RAPGEF6: variants seen among roughly 807,000 people sequenced by gnomAD.
RAPGEF6 encodes the protein Rap guanine nucleotide exchange factor 6, also known as PDZ domain containing guanine nucleotide exchange factor (GEF) 2.
In RAPGEF6, 56 loss-of-function variants were observed where a neutral mutation model predicts 171.4. The ratio of observed to expected loss-of-function variants is 0.33; its 90% CI spans 0.26 to 0.41. The LOEUF (loss-of-function observed/expected upper bound fraction) is 0.41, where lower values mean the gene tolerates loss of function less well. Among genes scored for constraint, RAPGEF6 ranks in the 10% least tolerant of loss-of-function variants. The probability of loss-of-function intolerance (pLI) is 1.00; values close to 1 mark genes in which losing one functional copy is unlikely to be tolerated. For synonymous variants in RAPGEF6, 692 were observed against 650.1 expected, an observed-to-expected ratio of 1.06 and a Z score of -0.98; for missense variants, 1,674 against 1,921.4, an observed-to-expected ratio of 0.87 and a Z score of 2.41.
At chr5:131,597,510 T>C (rs1763971446) in intron 3 of RAPGEF6, among the ~76,000 whole-genome samples, 1 of 152,158 alleles carries the variant, frequency 6.6e-6, no homozygotes, top group Non-Finnish European at 1.5e-5. Flanking sequence ...CAATAGAGTA[T>C]CATTCAGCCA....
At chr5:131,593,460 A>T (rs1763705401) in intron 3 of RAPGEF6, among the ~76,000 whole-genome samples, 1 of 152,256 alleles carries the variant, frequency 6.6e-6, no homozygotes, top group Non-Finnish European at 1.5e-5. Context: ...ATACCTGAAA[A>T]TGTAGAAGTG....
chr5:131,431,245 C>T lies in RAPGEF6; in HGVS notation c.4079G>A (p.Ser1360Asn). The T allele has an allele frequency of 6.2e-7, 1 of 1,614,234 alleles. No individual in the cohort carries two copies. The highest frequency in any genetic ancestry group is 8.5e-7 in the Non-Finnish European group (1 of 1,180,042). The change falls in exon 26 of 28, where the codon AGT (serine) becomes AAT (asparagine). Residue 1360 changes from serine to asparagine, a missense_variant. Physicochemically the swap from Ser to Asn is conservative, Grantham distance 46. Transcript: ENST00000509018. Reference protein sequence around the residue: ...QEHIIIEAADSGRGSWTSCSS... With the variant: ...QEHIIIEAADNGRGSWTSCSS... Reference sequence around the variant, plus strand: ...ACACGAAGTCCAACTTCCACGACCACTGTCAGCTGCTTCTATAATGATATG... The same window carrying T: ...ACACGAAGTCCAACTTCCACGACCATTGTCAGCTGCTTCTATAATGATATG...
At chr5:131,442,087 G>GC in intron 23 of RAPGEF6, among the ~76,000 whole-genome samples, 1 of 152,220 alleles carries the variant, frequency 6.6e-6, no homozygotes, top group East Asian at 1.9e-4. Flanking sequence ...GTAAGCCCTT[G>GC]GTACCCAAAA....
Position 131,433,600 on chromosome 5 carries a change from C to G in RAPGEF6, c.3804G>C (p.Glu1268Asp), listed in dbSNP as rs978549403. 2.5e-6 allele frequency: 4 copies of G among 1,613,738 alleles called. No individual in the cohort carries two copies. In the Admixed American group the frequency reaches 6.7e-5, roughly 27 times the overall value. Residue 1268 changes from glutamate to aspartate, a missense_variant, in exon 25 of 28, where the codon GAG becomes GAC. Transcript: ENST00000509018. ...SDNLSDSSHS[E>D]ISSRSSIVSN... Reference sequence around the variant, plus strand: ...TCACGATGCTGGACCGTGAAGAAATCTCACTATGGCTGGAGTCAGACAAGT... The same window carrying G: ...TCACGATGCTGGACCGTGAAGAAATGTCACTATGGCTGGAGTCAGACAAGT...
At chr5:131,614,002 C>T (rs900792719) in intron 1 of RAPGEF6, among the ~76,000 whole-genome samples, 6 of 152,120 alleles carry the variant, frequency 3.9e-5, no homozygotes, top group Non-Finnish European at 8.8e-5. Flanking sequence ...AACTACCCGG[C>T]TGGACACAGT....
At chr5:131,436,251 C>T (rs1301682035) in intron 24 of RAPGEF6, 1 of 1,537,436 alleles carries the variant, frequency 6.5e-7, no homozygotes, top group Non-Finnish European at 8.7e-7. Flanking sequence ...CAGTGGCCTT[C>T]TCAGTACTGT....
intron 1 of RAPGEF6, among the ~76,000 whole-genome samples, chr5:131,625,812 A>T (rs980149866): frequency 1.9e-5 from 1 of 51,868 alleles, no homozygotes; most frequent in Non-Finnish European, 9.1e-5. Flanking sequence ...ACTCCGTCTC[A>T]AAAAAAAAAA....
intron 6 of RAPGEF6, among the ~76,000 whole-genome samples, chr5:131,532,471 T>G (rs1580982691): frequency 6.6e-6 from 1 of 152,158 alleles, no homozygotes; most frequent in African/African-American, 2.4e-5. Flanking sequence ...TAATACGGTA[T>G]CAGTCAAAGC....
chr5:131,448,201 G>C (rs927812430), intron 21 of RAPGEF6, among the ~76,000 whole-genome samples: 5 of 152,094 alleles, frequency 3.3e-5, no homozygotes, highest in Non-Finnish European at 7.4e-5. Flanking sequence ...GAGGGTTCTG[G>C]AAAACAAAAT....
In RAPGEF6 at chr5:131,453,149, T is replaced by C. The variant is rs1308849756; in HGVS notation, c.3105A>G (p.Val1035=). The part of the protein sequence containing the change: ...EGNDSKVDGL[V]NFEKLRMISK... Reference sequence around the variant, plus strand: ...AAATCATTCTTAACTTCTCAAAGTTTACTAAACCATCTACTTTGGAGTCAT... The same window carrying C: ...AAATCATTCTTAACTTCTCAAAGTTCACTAAACCATCTACTTTGGAGTCAT... Residue 1035 remains valine (V), a synonymous_variant, in exon 21 of 28, where the codon GTA becomes GTG. Transcript: ENST00000509018. 1 of 1,613,512 alleles carries C rather than the reference T, an allele frequency of 6.2e-7. No individual in the cohort carries two copies. Among genetic ancestry groups the C allele is most frequent in the Non-Finnish European group, 8.5e-7 (1 of 1,179,684 alleles).
intron 3 of RAPGEF6, among the ~76,000 whole-genome samples, 197 bp downstream of exon 3, chr5:131,603,074 C>A (rs1456782563): frequency 2.0e-5 from 3 of 152,120 alleles, no homozygotes; most frequent in Non-Finnish European, 4.4e-5. Context: ...AGTCATTACA[C>A]ATTTAGTATA....
intron 9 of RAPGEF6, among the ~76,000 whole-genome samples, chr5:131,507,000 C>T (rs1757410753): frequency 6.6e-6 from 1 of 151,406 alleles, no homozygotes; most frequent in Admixed American, 6.6e-5. Context: ...AATATGTAAA[C>T]AGAGCCTAGA....
At chr5:131,461,210 C>T (rs1350789651) in intron 19 of RAPGEF6, among the ~76,000 whole-genome samples, 1 of 152,168 alleles carries the variant, frequency 6.6e-6, no homozygotes, top group Non-Finnish European at 1.5e-5. Context: ...ATCCAGTGAA[C>T]CTCATGTAGT....
intron 13 of RAPGEF6, among the ~76,000 whole-genome samples, chr5:131,493,316 G>A (rs1250523970): frequency 1.3e-5 from 2 of 151,998 alleles, no homozygotes. Flanking sequence ...CGCCTGTCTC[G>A]GCCTCCCAAA....
intron 18 of RAPGEF6, among the ~76,000 whole-genome samples, chr5:131,462,853 C>T (rs2149835952): frequency 1.3e-5 from 2 of 148,464 alleles, no homozygotes; most frequent in Middle Eastern, 6.8e-3. Flanking sequence ...ATCTATCCAT[C>T]TATTTTTTAC....
intron 3 of RAPGEF6, among the ~76,000 whole-genome samples, chr5:131,593,031 A>C (rs1368486510): frequency 2.6e-5 from 4 of 152,246 alleles, no homozygotes. Context: ...TCAAGTAGTA[A>C]ATGAACAGAA....
chr5:131,430,507 C>T (rs559942251), intron 26 of RAPGEF6, among the ~76,000 whole-genome samples: 1 of 152,234 alleles, frequency 6.6e-6, no homozygotes, highest in East Asian at 1.9e-4. Flanking sequence ...CAATTGTGGT[C>T]CAAACAATTT....
At chr5:131,485,530 TCTC>T (rs1243709408) in intron 15 of RAPGEF6, among the ~76,000 whole-genome samples, 1 of 152,318 alleles carries the variant, frequency 6.6e-6, no homozygotes, top group Non-Finnish European at 1.5e-5. Context: ...AAGCCAGGCT[TCTC>T]CTGGATCTCT....
At chr5:131,554,639 C>T (rs574759815) in intron 5 of RAPGEF6, among the ~76,000 whole-genome samples, 1 of 152,290 alleles carries the variant, frequency 6.6e-6, no homozygotes, top group East Asian at 1.9e-4. Context: ...CCAGCCTCAG[C>T]CTCCCAAGTA....
Sources: allele counts gnomAD v4.1 joint callset (sites outside exome capture counted in the v4.1 genomes callset), GRCh38; gene constraint gnomAD v4.1.1; transcripts MANE v1.5; gene names NCBI Gene and HGNC (gene_info 2026-07-23, HGNC 2026-07-21).